The following NXPH4 variants were observed in gnomAD, a reference collection of about 807,000 sequenced individuals.
The protein encoded by NXPH4 is neurexophilin 4.
Under a neutral mutation model 21.3 loss-of-function variants are expected in NXPH4, and 8 were observed. That is an observed-to-expected ratio of 0.38 (90% CI 0.22 to 0.68). The LOEUF (loss-of-function observed/expected upper bound fraction) is 0.68, where lower values mean the gene tolerates loss of function less well. Ranked by LOEUF, NXPH4 falls within the 30% of genes least tolerant of loss-of-function variation. The pLI, the probability that NXPH4 is intolerant of heterozygous loss-of-function variation, is 0.53. For synonymous variants in NXPH4, 219 were observed against 192.6 expected, an observed-to-expected ratio of 1.14 and a Z score of -1.13; for missense variants, 418 against 416.8, an observed-to-expected ratio of 1.00 and a Z score of -0.03.
Position 57,225,615 on chromosome 12 carries a change from GGCCGCCTGGCTCTGTGCCAA to G in NXPH4, c.799_818del (p.Ala267LeufsTer14). The G allele has an allele frequency of 6.2e-7, 1 of 1,613,646 alleles. No individual in the cohort carries two copies. Reference sequence around the variant, plus strand: ...GCTTCACCGAGCACACGCAGAGCCAGGCCGCCTGGCTCTGTGCCAAGCCCTTCAAAGTCATCTGTATCTTC... The same window carrying G: ...GCTTCACCGAGCACACGCAGAGCCAGGCCCTTCAAAGTCATCTGTATCTTC... On this transcript the variant is annotated frameshift_variant, in exon 2 of 2. Transcript: ENST00000349394. LOFTEE classifies it high-confidence loss of function.
chr12:57,220,569 A>G (rs1027746667), intron 1 of NXPH4, among the ~76,000 whole-genome samples: 3 of 152,188 alleles, frequency 2.0e-5, no homozygotes, highest in Admixed American at 2.0e-4. Context: ...GTCCAGCCCA[A>G]GGGCAGAGCC....
At chr12:57,219,846 G>C (rs1432329979) in intron 1 of NXPH4, 1 of 152,574 alleles carries the variant, frequency 6.6e-6, no homozygotes, top group African/African-American at 2.4e-5. Context: ...GGTTGGGATG[G>C]GTAGAGGAGC....
chr12:57,226,229 C>T lies in NXPH4; in HGVS notation c.*482C>T. On this transcript the variant is annotated 3_prime_UTR_variant, in exon 2 of 2. Transcript: ENST00000349394. The stretch of plus-strand genomic sequence containing the variant: ...GCCTGTCCTCCCACCATTCTGCCTG[C>T]CATATGCCTGTCCCCTTTTCCTCCA... 1 of 377,014 alleles carries T rather than the reference C, an allele frequency of 2.7e-6. No homozygotes were observed. Among genetic ancestry groups the T allele is most frequent in the South Asian group, 1.1e-4 (1 of 8,932 alleles). 23.4% of individuals were successfully genotyped at this position (377,014 alleles called of 1,614,324 possible).
Position 57,224,897 on chromosome 12 carries a change from C to A in NXPH4, c.77C>A (p.Pro26Gln). ...GCACAGGCCGTCAGTGCCCAGATAC[C>A]AGAGTCCGGAAGGCCGCAGTACCTG... ...LLRKAVSAQI[P>Q]ESGRPQYLGL... Residue 26 changes from proline to glutamine, a missense_variant, in exon 2 of 2, where the codon CCA becomes CAA. Pro to Gln is a moderately conservative substitution (Grantham distance 76). Transcript: ENST00000349394. 1 of 1,086,954 alleles carries A rather than the reference C, an allele frequency of 9.2e-7. No homozygotes were observed. Among genetic ancestry groups the A allele is most frequent in the Non-Finnish European group, 1.3e-6 (1 of 796,470 alleles). The allele number at this position is 1,086,954 out of a possible 1,614,324, so 67.3% of individuals were successfully genotyped here. A position where few individuals can be genotyped will look rare whatever the true frequency, so the allele number is the denominator to read the frequency against.
chr12:57,221,492 C>T (rs956859468), intron 1 of NXPH4: 4 of 378,108 alleles, frequency 1.1e-5, no homozygotes, highest in South Asian at 1.9e-5. Flanking sequence ...AGCCACTCCC[C>T]GAAGTGGAGT....
chr12:57,221,241 T>C (rs1262127297), intron 1 of NXPH4: 2 of 429,702 alleles, frequency 4.7e-6, no homozygotes, highest in Non-Finnish European at 9.6e-6. Context: ...CACCGGCCCC[T>C]ATTGCAGCAC....
intron 1 of NXPH4, 65 bp from the exon 2 acceptor site, chr12:57,224,813 T>C (rs1274017223): frequency 1.1e-5 from 6 of 532,726 alleles, no homozygotes; most frequent in African/African-American, 1.9e-5. Context: ...CTGGCGTCGA[T>C]AGGGCTCTGG....
intron 1 of NXPH4, among the ~76,000 whole-genome samples, chr12:57,219,422 G>A (rs1245731584): frequency 6.6e-6 from 1 of 152,204 alleles, no homozygotes; most frequent in Non-Finnish European, 1.5e-5. Context: ...CCTACTGGGA[G>A]AAGCAGCAGG....
rs370538016 is a variant in NXPH4 at position 57,224,071 on chromosome 12, T to G, written c.58-807T>G. 1.8e-4 allele frequency among the ~76,000 whole-genome samples: 28 copies of G among 152,366 alleles called. No individual in the cohort carries two copies. The South Asian group carries it at 4.8e-3, about 26-fold the overall frequency. On this transcript the variant is annotated intron_variant, in intron 1 of 1. Transcript: ENST00000349394. ...TGAGGCCCAGGTGGGGGCTCTGGTC[T>G]CTGAGGTCCTGGAGCCTCTTTCTTT... is the stretch of plus-strand genomic sequence containing the variant.
intron 1 of NXPH4, chr12:57,219,774 G>A (rs2037073075): frequency 6.6e-6 from 1 of 152,372 alleles, no homozygotes; most frequent in African/African-American, 2.4e-5. Context: ...AGAGCCTGCA[G>A]TGGAAGCCTC....
rs778660504 is a variant in NXPH4 at position 57,225,301 on chromosome 12, G to A, written c.481G>A (p.Val161Ile). The change falls in exon 2 of 2, where the codon GTC becomes ATC. Residue 161 changes from valine to isoleucine, a missense_variant. Transcript: ENST00000349394. Reference sequence around the variant, plus strand: ...CAGCATCGTGCCGCCCTCCAAGCGTGTCGAGTTCGGAGGAGTCTGGCTGCC... The same window carrying A: ...CAGCATCGTGCCGCCCTCCAAGCGTATCGAGTTCGGAGGAGTCTGGCTGCC... Reference protein sequence around the residue: ...SVSIVPPSKRVEFGGVWLPGP... With the variant: ...SVSIVPPSKRIEFGGVWLPGP... The A allele has an allele frequency of 1.9e-6, 3 of 1,554,840 alleles. No homozygotes were observed. Among genetic ancestry groups the A allele is most frequent in the Middle Eastern group, 1.7e-4 (1 of 5,804 alleles).
chr12:57,224,831 G>A, intron 1 of NXPH4, 47 bp from the exon 2 acceptor site: 1 of 591,544 alleles, frequency 1.7e-6, no homozygotes, highest in Non-Finnish European at 2.7e-6. Flanking sequence ...TGGCAGGATG[G>A]CGGGGGACAA....
chr12:57,221,484 C>G (rs1043511527), intron 1 of NXPH4: 34 of 385,596 alleles, frequency 8.8e-5, no homozygotes, highest in Admixed American at 2.2e-4. Flanking sequence ...CCCCAAAGAG[C>G]CACTCCCCGA....
rs768091788 is a variant in NXPH4 at position 57,224,873 on chromosome 12, C to T, written c.58-5C>T. 2.4e-6 allele frequency: 2 copies of T among 830,106 alleles called. No individual in the cohort carries two copies. The highest frequency in any genetic ancestry group is 3.0e-5 in the East Asian group (1 of 33,818). 51.4% of individuals were successfully genotyped at this position (830,106 alleles called of 1,614,324 possible). A position where few individuals can be genotyped will look rare whatever the true frequency, so the allele number is the denominator to read the frequency against. ...CGTCTCTCTCTCCTCTTTCTTCGTG[C>T]ACAGGCCGTCAGTGCCCAGATACCA... On this transcript the variant is annotated splice_region_variant and splice_polypyrimidine_tract_variant and intron_variant, in intron 1 of 1. Coordinates refer to ENST00000349394, the MANE Select transcript of NXPH4 (RefSeq NM_007224.4).
chr12:57,224,466 C>T (rs1948887234), intron 1 of NXPH4, among the ~76,000 whole-genome samples: 1 of 152,294 alleles, frequency 6.6e-6, no homozygotes, highest in Non-Finnish European at 1.5e-5. Context: ...GTGGTCACAG[C>T]CTCCCTGGCT....
At chr12:57,218,143 C>T (rs765732581) in intron 1 of NXPH4, among the ~76,000 whole-genome samples, 1 of 152,338 alleles carries the variant, frequency 6.6e-6, no homozygotes, top group African/African-American at 2.4e-5. Flanking sequence ...ATTCTCTGTA[C>T]CCTCAGCCCC....
intron 1 of NXPH4, among the ~76,000 whole-genome samples, chr12:57,217,238 G>A (rs2037049774): frequency 6.6e-6 from 1 of 152,198 alleles, no homozygotes; most frequent in Admixed American, 6.5e-5. Context: ...GGTGCCGGGC[G>A]GAGGTCCCCC....
In NXPH4 at chr12:57,225,807, C is replaced by T. The variant is rs1377995177; in HGVS notation, c.*60C>T. Reference sequence around the variant, plus strand: ...AATCCCAGCCTCACTAGGTGGGACCCCCTTCCCAGTGTTCTGCCGCTCCTG... The same window carrying T: ...AATCCCAGCCTCACTAGGTGGGACCTCCTTCCCAGTGTTCTGCCGCTCCTG... On this transcript the variant is annotated 3_prime_UTR_variant, in exon 2 of 2. Coordinates refer to ENST00000349394, the MANE Select transcript of NXPH4 (RefSeq NM_007224.4). 3.2e-6 allele frequency: 5 copies of T among 1,557,930 alleles called. No individual in the cohort carries two copies. Among genetic ancestry groups the T allele is most frequent in the East Asian group, 2.3e-5 (1 of 44,184 alleles).
chr12:57,226,170 C>T lies in NXPH4; in HGVS notation c.*423C>T. The stretch of plus-strand genomic sequence containing the variant: ...CCAGCGCTTGTCCTGCTTCACCCTA[C>T]CCCGCCTAAGACTGTAAAGGCCTAA... On this transcript the variant is annotated 3_prime_UTR_variant, in exon 2 of 2. Transcript: ENST00000349394. 2.3e-6 allele frequency: 1 copy of T among 436,114 alleles called. No homozygotes were observed. The highest frequency in any genetic ancestry group is 4.0e-6 in the Non-Finnish European group (1 of 247,868). 27.0% of individuals were successfully genotyped at this position (436,114 alleles called of 1,614,324 possible). A position where few individuals can be genotyped will look rare whatever the true frequency, so the allele number is the denominator to read the frequency against.
Sources: allele counts gnomAD v4.1 joint callset (sites outside exome capture counted in the v4.1 genomes callset), GRCh38; gene constraint gnomAD v4.1.1; transcripts MANE v1.5; gene names NCBI Gene and HGNC (gene_info 2026-07-23, HGNC 2026-07-21).